Variants in MED27 observed in about 807,000 individuals in gnomAD.
The protein encoded by MED27 is mediator complex subunit 27.
A neutral mutation model predicts 38.2 loss-of-function variants in MED27; 30 were observed. That is an observed-to-expected ratio of 0.79 (90% CI 0.59 to 1.07). The LOEUF is 1.07. Ranked by LOEUF, MED27 falls within the 50% of genes least tolerant of loss-of-function variation. The probability of loss-of-function intolerance (pLI) is 0.00; values close to 1 mark genes in which losing one functional copy is unlikely to be tolerated. For synonymous variants in MED27, 122 were observed against 153.5 expected (o/e 0.79, Z 1.52); for missense variants, 289 against 397.5 (o/e 0.73, Z 2.32).
intron 3 of MED27, among the ~76,000 whole-genome samples, chr9:131,971,014 C>A (rs1195571781): frequency 2.0e-5 from 3 of 152,178 alleles, no homozygotes; most frequent in Non-Finnish European, 4.4e-5. Flanking sequence ...TTTGCAGAAA[C>A]AAGTGTTCGG....
intron 6 of MED27, chr9:131,868,874 G>T: frequency 2.0e-6 from 2 of 985,486 alleles, no homozygotes; most frequent in Non-Finnish European, 1.2e-6. Context: ...TGTAGCACAG[G>T]CTGCTCAAGG....
chr9:131,887,014 T>G (rs1043896256), intron 5 of MED27, among the ~76,000 whole-genome samples: 2 of 152,254 alleles, frequency 1.3e-5, no homozygotes, highest in African/African-American at 4.8e-5. Flanking sequence ...AGCCCACAGC[T>G]GTTTCTTCTG....
At chr9:131,899,365 C>A (rs1182730170) in intron 4 of MED27, among the ~76,000 whole-genome samples, 1 of 152,214 alleles carries the variant, frequency 6.6e-6, no homozygotes, top group Non-Finnish European at 1.5e-5. Context: ...GACCACTGAG[C>A]AGAAAGTGCC....
At chr9:132,047,680 A>G (rs1833372767) in intron 2 of MED27, among the ~76,000 whole-genome samples, 1 of 152,220 alleles carries the variant, frequency 6.6e-6, no homozygotes, top group African/African-American at 2.4e-5. Flanking sequence ...TTCCAACAAC[A>G]AGAAAATGGT....
rs528789479 is a variant in MED27 at position 131,862,058 on chromosome 9, C to T, written c.801+1005G>A. Among the ~76,000 whole-genome samples the T allele has an allele frequency of 6.6e-6, 1 of 152,308 alleles. No individual in the cohort carries two copies. Among genetic ancestry groups the T allele is most frequent in the African/African-American group, 2.4e-5 (1 of 41,564 alleles). ...ATGGTCAGGGGAACTGTTCCCTGGA[C>T]ACACAGAAGGACCACTCTGTGGGAG... is the stretch of plus-strand genomic sequence containing the variant. On this transcript the variant is annotated intron_variant, in intron 7 of 7. Coordinates refer to ENST00000292035, the MANE Select transcript of MED27 (RefSeq NM_004269.4). This position sits in a 1 kb window ranked among gnomAD's most constrained non-coding sequence, Gnocchi z 4.6.
At chr9:132,062,284 G>GA (rs1833712520) in intron 2 of MED27, among the ~76,000 whole-genome samples, 1 of 152,256 alleles carries the variant, frequency 6.6e-6, no homozygotes, top group African/African-American at 2.4e-5. Context: ...AGTCCAGCAT[G>GA]AATCAGGCCA....
chr9:131,971,469 T>C (rs183858003), intron 3 of MED27, among the ~76,000 whole-genome samples: 1 of 152,296 alleles, frequency 6.6e-6, no homozygotes, highest in Non-Finnish European at 1.5e-5. Context: ...TTATCGCGAA[T>C]GTGATGAGAA....
At chr9:131,934,591 A>G (rs1830648136) in intron 4 of MED27, among the ~76,000 whole-genome samples, 1 of 152,230 alleles carries the variant, frequency 6.6e-6, no homozygotes. Context: ...AGAAAAGAGA[A>G]CCCTTGTACA....
At position 132,018,977 on chromosome 9, in the gene MED27, A is replaced by G. The variant is rs547328823; in HGVS notation, c.349-4510T>C. Among the ~76,000 whole-genome samples, 4 of 152,310 alleles carry G rather than the reference A, an allele frequency of 2.6e-5. No individual in the cohort carries two copies. The East Asian group carries it at 7.7e-4, about 29-fold the overall frequency. Reference sequence around the variant, plus strand: ...GCAAAGAATGGCATAGAATTAAGTTATAATAAATTCTGTCTGGCTTAGACC... The same window carrying G: ...GCAAAGAATGGCATAGAATTAAGTTGTAATAAATTCTGTCTGGCTTAGACC... On this transcript the variant is annotated intron_variant, in intron 2 of 7. Transcript: ENST00000292035.
chr9:131,940,156 C>T (rs1307444687), intron 3 of MED27, among the ~76,000 whole-genome samples: 4 of 151,874 alleles, frequency 2.6e-5, no homozygotes, highest in African/African-American at 7.3e-5. Context: ...CTGCCCGCCT[C>T]GGCCTCCCAA....
At chr9:131,959,087 TG>T (rs1321899831) in intron 3 of MED27, among the ~76,000 whole-genome samples, 1 of 152,200 alleles carries the variant, frequency 6.6e-6, no homozygotes, top group Non-Finnish European at 1.5e-5. Context: ...TCATGTTGAA[TG>T]GGAACAATTA....
chr9:132,028,648 A>G (rs1210514209), intron 2 of MED27, among the ~76,000 whole-genome samples: 2 of 152,226 alleles, frequency 1.3e-5, no homozygotes, highest in East Asian at 1.9e-4. Flanking sequence ...GACTTCATGT[A>G]GTAGACAATT....
At chr9:131,884,512 C>T (rs1356813842) in intron 5 of MED27, among the ~76,000 whole-genome samples, 1 of 152,150 alleles carries the variant, frequency 6.6e-6, no homozygotes, top group Non-Finnish European at 1.5e-5. Flanking sequence ...TTCTTATACT[C>T]CCTTGAGCTC....
intron 2 of MED27, among the ~76,000 whole-genome samples, chr9:132,018,925 T>A (rs1189625951): frequency 6.6e-6 from 1 of 152,000 alleles, no homozygotes. Context: ...TTTTTTTAAA[T>A]CACTTTGCAT....
chr9:131,939,217 C>A, intron 4 of MED27, 164 bp downstream of exon 4: 1 of 426,770 alleles, frequency 2.3e-6, no homozygotes, highest in Non-Finnish European at 4.1e-6. Flanking sequence ...TTTCAATGTG[C>A]AGAATTCTTA....
At chr9:131,964,224 G>T (rs1382710785) in intron 3 of MED27, among the ~76,000 whole-genome samples, 3 of 144,130 alleles carry the variant, frequency 2.1e-5, no homozygotes, top group African/African-American at 7.6e-5. Context: ...AGTGTTAAGT[G>T]CTTAGAACAG....
intron 2 of MED27, among the ~76,000 whole-genome samples, chr9:132,061,218 T>C (rs1303748133): frequency 2.0e-5 from 3 of 152,172 alleles, no homozygotes; most frequent in Non-Finnish European, 4.4e-5. Context: ...AAATGAAAAG[T>C]AAGTCAGAGC....
intron 2 of MED27, among the ~76,000 whole-genome samples, chr9:132,024,830 C>G (rs1254603519): frequency 6.6e-6 from 1 of 152,172 alleles, no homozygotes. Context: ...TCTTTTTAAT[C>G]TACACACAAC....
chr9:132,075,830 T>C (rs910443764), intron 2 of MED27, among the ~76,000 whole-genome samples: 2 of 152,184 alleles, frequency 1.3e-5, no homozygotes, highest in Admixed American at 1.3e-4. Flanking sequence ...CAGTCCCACG[T>C]CTGGCCTAAA....
Sources: gnomAD v4.1 joint callset for allele counts (sites outside exome capture counted in the v4.1 genomes callset) on GRCh38, gnomAD v4.1.1 for gene constraint, Gnocchi (gnomAD v3.1) non-coding constraint, MANE v1.5 for transcripts, NCBI Gene and HGNC (gene_info 2026-07-23, HGNC 2026-07-21) for gene names.